EFCAB5: variants seen among roughly 807,000 people sequenced by gnomAD.
The protein encoded by EFCAB5 is EF-hand calcium binding domain 5, also known as EF-hand calcium-binding domain-containing protein 5.
A neutral mutation model predicts 167.9 loss-of-function variants in EFCAB5; 131 were observed. The ratio of observed to expected loss-of-function variants is 0.78; its 90% confidence interval spans 0.68 to 0.90. The LOEUF (loss-of-function observed/expected upper bound fraction) is 0.90, where lower values mean the gene tolerates loss of function less well. Among genes scored for constraint, EFCAB5 ranks in the 40% least tolerant of loss-of-function variants. The pLI is 0.00. For synonymous variants in EFCAB5, 574 were observed against 602.8 expected (o/e 0.95, Z 0.70); for missense variants, 1,663 against 1,745.2 (o/e 0.95, Z 0.84).
chr17:30,078,974 C>T (rs2070926129), intron 15 of EFCAB5, among the ~76,000 whole-genome samples: 1 of 152,220 alleles, frequency 6.6e-6, no homozygotes, highest in Admixed American at 6.5e-5. Flanking sequence ...CAAGCTGAGA[C>T]TACTGCAGAA....
At chr17:30,017,367 G>T (rs1278194895) in intron 7 of EFCAB5, among the ~76,000 whole-genome samples, 1 of 152,108 alleles carries the variant, frequency 6.6e-6, no homozygotes, top group Non-Finnish European at 1.5e-5. Flanking sequence ...ACACATAAAA[G>T]TGCAAAGATG....
intron 7 of EFCAB5, among the ~76,000 whole-genome samples, chr17:30,033,750 G>A (rs899188431): frequency 6.6e-6 from 1 of 152,060 alleles, no homozygotes; most frequent in African/African-American, 2.4e-5. Context: ...CATAGACAAA[G>A]GATATCTTAT....
Position 29,965,963 on chromosome 17 carries a change from AT to A in EFCAB5, c.191-2826del, listed in dbSNP as rs756261044. Among the ~76,000 whole-genome samples the A allele has an allele frequency of 2.3e-4, 35 of 152,132 alleles. No individual in the cohort carries two copies. In the East Asian group the frequency reaches 3.9e-3, roughly 17 times the overall value. ...TAACTAAAAATATAAAACATTTTAA[AT>A]TGGTTATTAATTGGTAGTTCCAAGG... On this transcript the variant is annotated intron_variant, in intron 3 of 22. Transcript: ENST00000394835.
chr17:30,092,352 C>T (rs2071216562), intron 21 of EFCAB5, among the ~76,000 whole-genome samples, 195 bp downstream of exon 21: 1 of 152,126 alleles, frequency 6.6e-6, no homozygotes, highest in South Asian at 2.1e-4. Flanking sequence ...TTGTACCCTT[C>T]CTCATCATCC....
chr17:30,033,240 G>A (rs1352810528), intron 7 of EFCAB5, among the ~76,000 whole-genome samples: 1 of 152,072 alleles, frequency 6.6e-6, no homozygotes, highest in Non-Finnish European at 1.5e-5. Context: ...CACCACGCCC[G>A]GCTAATTTTT....
At chr17:30,047,095 A>G (rs80082930) in intron 8 of EFCAB5, among the ~76,000 whole-genome samples, 1,779 of 152,300 alleles carry the variant, frequency 0.012, 35 homozygotes, top group African/African-American at 0.04. Context: ...CTTAGCAGTA[A>G]CATTTTTGAT....
intron 1 of EFCAB5, chr17:29,930,026 C>A: frequency 6.5e-7 from 1 of 1,541,744 alleles, no homozygotes; most frequent in Non-Finnish European, 8.7e-7. Context: ...TTGTTCCGGG[C>A]AGGGCATTCT....
chr17:30,021,368 T>C (rs2069174817), intron 7 of EFCAB5, among the ~76,000 whole-genome samples: 1 of 147,842 alleles, frequency 6.8e-6, no homozygotes, highest in Non-Finnish European at 1.5e-5. Context: ...TGTAAATATA[T>C]AAATATTTTT....
At chr17:30,022,203 C>T (rs372748456) in intron 7 of EFCAB5, among the ~76,000 whole-genome samples, 1 of 152,044 alleles carries the variant, frequency 6.6e-6, no homozygotes, top group Non-Finnish European at 1.5e-5. Context: ...ATGTTTACTT[C>T]TGGTCTCTTA....
intron 17 of EFCAB5, among the ~76,000 whole-genome samples, chr17:30,082,571 A>G (rs919886837): frequency 9.9e-5 from 15 of 151,832 alleles, no homozygotes; most frequent in African/African-American, 3.6e-4. Context: ...TTGTATTTTT[A>G]GTAGAGACAG....
intron 22 of EFCAB5, among the ~76,000 whole-genome samples, chr17:30,102,199 G>A (rs535358019): frequency 6.6e-6 from 1 of 152,266 alleles, no homozygotes; most frequent in South Asian, 2.1e-4. Context: ...GTCTATGGAA[G>A]TTGCCTTCTG....
At chr17:29,996,058 G>A (rs973517030) in intron 5 of EFCAB5, among the ~76,000 whole-genome samples, 6 of 151,988 alleles carry the variant, frequency 3.9e-5, no homozygotes, top group Admixed American at 2.0e-4. Context: ...ACAAGTTAAC[G>A]ACAAGTTTAT....
chr17:30,058,290 T>C (rs2070332534), intron 13 of EFCAB5, among the ~76,000 whole-genome samples: 1 of 152,184 alleles, frequency 6.6e-6, no homozygotes, highest in East Asian at 1.9e-4. Flanking sequence ...AGCACCCAGG[T>C]AGTACATATT....
At chr17:29,948,749 T>C (rs1266438424) in intron 3 of EFCAB5, among the ~76,000 whole-genome samples, 1 of 152,218 alleles carries the variant, frequency 6.6e-6, no homozygotes, top group Non-Finnish European at 1.5e-5. Context: ...TACCCTTGTT[T>C]TTCTACTTTT....
In EFCAB5 at chr17:30,055,979, T is replaced by C; in HGVS notation, c.2272+14T>C. 4 of 1,613,594 alleles carry C rather than the reference T, an allele frequency of 2.5e-6. No individual in the cohort carries two copies. The highest frequency in any genetic ancestry group is 2.2e-5 in the South Asian group (2 of 91,000). Reference sequence around the variant, plus strand: ...AGTCATGGTCAGGTAACTCCTCATTTAATCCTCCTTTCATTTATACCCTAG... The same window carrying C: ...AGTCATGGTCAGGTAACTCCTCATTCAATCCTCCTTTCATTTATACCCTAG... On this transcript the variant is annotated intron_variant, in intron 11 of 22. Transcript: ENST00000394835.
At chr17:29,995,716 T>C (rs1366706338) in intron 5 of EFCAB5, among the ~76,000 whole-genome samples, 1 of 152,238 alleles carries the variant, frequency 6.6e-6, no homozygotes, top group Non-Finnish European at 1.5e-5. Flanking sequence ...CTGCTGTTAA[T>C]TTTTAGTCCT....
intron 7 of EFCAB5, among the ~76,000 whole-genome samples, chr17:30,027,481 A>G (rs2069361826): frequency 6.6e-6 from 1 of 151,990 alleles, no homozygotes; most frequent in Non-Finnish European, 1.5e-5. Flanking sequence ...CTGCAGACAC[A>G]GCTAAAGGCT....
At chr17:29,965,710 G>C (rs1281854233) in intron 3 of EFCAB5, among the ~76,000 whole-genome samples, 2 of 152,078 alleles carry the variant, frequency 1.3e-5, no homozygotes, top group African/African-American at 4.8e-5. Flanking sequence ...AGTACAAGAG[G>C]AACTTTAAAA....
chr17:30,003,389 C>T (rs1014771774), intron 7 of EFCAB5, among the ~76,000 whole-genome samples: 1 of 152,018 alleles, frequency 6.6e-6, no homozygotes, highest in African/African-American at 2.4e-5. Flanking sequence ...TCATGCACCA[C>T]CATATAAGGC....
Sources: gnomAD v4.1 joint callset for allele counts (sites outside exome capture counted in the v4.1 genomes callset) on GRCh38, gnomAD v4.1.1 for gene constraint, MANE v1.5 for transcripts, NCBI Gene and HGNC (gene_info 2026-07-23, HGNC 2026-07-21) for gene names.